Variants in LTA4H observed in about 807,000 individuals in gnomAD.
LTA4H encodes the protein leukotriene A4 hydrolase, also known as leukotriene A-4 hydrolase.
LTA4H carries 59 observed loss-of-function variants against 89.8 expected under a neutral mutation model. That is an observed-to-expected ratio of 0.66 (90% CI 0.53 to 0.82). The LOEUF (loss-of-function observed/expected upper bound fraction) is 0.82. Among genes scored for constraint, LTA4H ranks in the 40% least tolerant of loss-of-function variants. LTA4H has a pLI of 0.00. For missense variants in LTA4H, 617 were observed against 727.0 expected (o/e 0.85, Z 1.74); for synonymous variants, 227 against 253.1 (o/e 0.90, Z 0.98).
At chr12:96,002,876 G>T in intron 18 of LTA4H, 84 bp downstream of exon 18, 1 of 873,694 alleles carries the variant, frequency 1.1e-6, no homozygotes. Flanking sequence ...AAAAAATATT[G>T]TCATATAGAT....
At chr12:96,027,791 G>A (rs117464260) in intron 2 of LTA4H, 6,315 of 269,646 alleles carry the variant, frequency 0.023, 104 homozygotes, top group South Asian at 0.027. Context: ...AACTGCTAGC[G>A]AAGGCTTAAT....
At chr12:96,037,218 G>A (rs1334519317), upstream of LTA4H, among the ~76,000 whole-genome samples, 1 of 152,158 alleles carries the variant, frequency 6.6e-6, no homozygotes, top group African/African-American at 2.4e-5. Context: ...GAGTCACTTG[G>A]ATATTTAAGT....
intron 4 of LTA4H, among the ~76,000 whole-genome samples, chr12:96,024,008 C>T (rs1443574436): frequency 2.6e-5 from 4 of 152,024 alleles, no homozygotes; most frequent in African/African-American, 7.2e-5. Context: ...CAGCTCACTC[C>T]AAGCTCTGCC....
At chr12:96,025,147 G>A (rs17025079) in intron 3 of LTA4H, among the ~76,000 whole-genome samples, 8,176 of 152,080 alleles carry the variant, frequency 0.054, 496 homozygotes, top group African/African-American at 0.15. Context: ...AGAAACCTGA[G>A]AAAAAAGGGC....
chr12:96,031,798 T>A (rs1033431716), intron 1 of LTA4H, among the ~76,000 whole-genome samples: 2 of 152,242 alleles, frequency 1.3e-5, no homozygotes, highest in Non-Finnish European at 2.9e-5. Context: ...TTTAATTATT[T>A]TTAATCTTAT....
At chr12:96,036,131 C>A (rs1056262523), upstream of LTA4H, among the ~76,000 whole-genome samples, 2 of 152,156 alleles carry the variant, frequency 1.3e-5, no homozygotes, top group African/African-American at 2.4e-5. Flanking sequence ...GTAAGTAATT[C>A]AAGGTTTAAA....
chr12:96,001,803 A>G (rs934591219), intron 18 of LTA4H, among the ~76,000 whole-genome samples: 3 of 152,024 alleles, frequency 2.0e-5, no homozygotes, highest in Non-Finnish European at 4.4e-5. Context: ...ACATCATAAA[A>G]CAGAAATACT....
Position 96,009,081 on chromosome 12 carries a change from CATT to C in LTA4H, c.1434+10_1434+12del, listed in dbSNP as rs753468392. 9 of 1,581,828 alleles carry C rather than the reference CATT, an allele frequency of 5.7e-6. No homozygotes were observed. In the African/African-American group the frequency reaches 6.7e-5, roughly 12 times the overall value. ...ATTCAAAAAGGAATCAAAAATCACA[CATT>C]ATTACTTACAGTAATCCATCTTTGA... is the stretch of plus-strand genomic sequence containing the variant. On this transcript the variant is annotated intron_variant, in intron 15 of 18. Coordinates refer to ENST00000228740, the MANE Select transcript of LTA4H (RefSeq NM_000895.3).
rs967657631 is a variant in LTA4H at position 96,022,469 on chromosome 12, GTA to G, written c.481-220_481-219del. On this transcript the variant is annotated intron_variant, in intron 4 of 18. Coordinates refer to ENST00000228740, the MANE Select transcript of LTA4H (RefSeq NM_000895.3). This position sits in a 1 kb window ranked among gnomAD's most constrained non-coding sequence, Gnocchi z 4.0. The stretch of plus-strand genomic sequence containing the variant: ...TATATATATGCACACATATATATGT[GTA>G]TATATATAAAACACATATACAAAAA... 1.4e-4 allele frequency among the ~76,000 whole-genome samples: 21 copies of G among 151,670 alleles called. No homozygotes were observed. Among genetic ancestry groups the G allele is most frequent in the Admixed American group, 4.6e-4 (7 of 15,214 alleles).
At chr12:96,035,938 GTTCATTGGTGTTTGCA>G (rs1220610702), upstream of LTA4H, among the ~76,000 whole-genome samples, 1 of 152,122 alleles carries the variant, frequency 6.6e-6, no homozygotes, top group Non-Finnish European at 1.5e-5. Context: ...AGAAAATCAG[GTTCATTGGTGTTTGCA>G]TATAGCGAGG....
Position 96,043,179 on chromosome 12 carries a change from G to A in LTA4H, c.87+110C>T, listed in dbSNP as rs138674473. The stretch of plus-strand genomic sequence containing the variant: ...AAACTCCCTGACGCAACCTGCAGTA[G>A]TTGGCAAAGTGAGAACATGTCGGGT... On this transcript the variant is annotated intron_variant, in intron 1 of 17. Transcript: ENST00000413268. 7.0e-3 allele frequency: 5,276 copies of A among 757,720 alleles called. 40 individuals are homozygous for A. The highest frequency in any genetic ancestry group is 0.022 in the Middle Eastern group (95 of 4,284). 46.9% of individuals were successfully genotyped at this position (757,720 alleles called of 1,614,324 possible).
intron 1 of LTA4H, among the ~76,000 whole-genome samples, chr12:96,033,128 T>C (rs905396147): frequency 1.3e-5 from 2 of 152,246 alleles, no homozygotes; most frequent in African/African-American, 4.8e-5. Flanking sequence ...TTTAAGTTTT[T>C]ATTTTACAAA....
chr12:96,031,767 A>G (rs1950577153), intron 1 of LTA4H, among the ~76,000 whole-genome samples: 1 of 152,108 alleles, frequency 6.6e-6, no homozygotes, highest in Non-Finnish European at 1.5e-5. Context: ...TCCTATCCCT[A>G]TTCTCTCTTC....
chr12:96,013,381 A>G (rs951770801), intron 13 of LTA4H, 123 bp from the exon 14 acceptor site: 15 of 605,984 alleles, frequency 2.5e-5, no homozygotes, highest in Non-Finnish European at 3.8e-5. Context: ...TAATTTCTAA[A>G]TCTTTTTTAA....
chr12:96,032,690 T>C (rs1186362659), intron 1 of LTA4H, among the ~76,000 whole-genome samples: 1 of 152,232 alleles, frequency 6.6e-6, no homozygotes, highest in Non-Finnish European at 1.5e-5. Flanking sequence ...CTTCCTTGTA[T>C]AACATGTAAC....
In LTA4H at chr12:96,035,349, G is replaced by T; in HGVS notation, c.159+12C>A. 6.3e-7 allele frequency: 1 copy of T among 1,587,584 alleles called. No individual in the cohort carries two copies. ...CGGGAGAGGCGGGCACTGGGCAGGC[G>T]CCCCACTGTACCAGGCTGCGCAGAT... On this transcript the variant is annotated intron_variant, in intron 1 of 18. Transcript: ENST00000228740.
At chr12:96,035,617 AGAG>A (rs1409368702), upstream of LTA4H, 10 of 1,460,650 alleles carry the variant, frequency 6.8e-6, no homozygotes, top group Admixed American at 2.5e-5. Context: ...GAGGTAAAGA[AGAG>A]GAGGAGGGAT....
intron 18 of LTA4H, 148 bp from the exon 19 acceptor site, chr12:96,001,254 C>T (rs1414356009): frequency 8.1e-6 from 5 of 614,560 alleles, no homozygotes; most frequent in Non-Finnish European, 1.4e-5. Context: ...AGTCAATACC[C>T]AAGATTAAAT....
In LTA4H at chr12:96,029,013, C is replaced by T. The variant is rs116718113; in HGVS notation, c.290+42G>A. The T allele has an allele frequency of 6.1e-6, 9 of 1,468,540 alleles. No individual in the cohort carries two copies. The African/African-American group carries it at 1.3e-4, about 21-fold the overall frequency. 91.0% of individuals were successfully genotyped at this position (1,468,540 alleles called of 1,614,324 possible). ...TTAAATTAGTTAAGAATATGTTTCCCCATTATTTAGCTGTAAAAGAGAAAG... is the reference window on the plus strand; with the variant it reads ...TTAAATTAGTTAAGAATATGTTTCCTCATTATTTAGCTGTAAAAGAGAAAG... On this transcript the variant is annotated intron_variant, in intron 2 of 18. Coordinates refer to ENST00000228740, the MANE Select transcript of LTA4H (RefSeq NM_000895.3).
Sources: gnomAD v4.1 joint callset for allele counts (sites outside exome capture counted in the v4.1 genomes callset) on GRCh38, gnomAD v4.1.1 for gene constraint, Gnocchi (gnomAD v3.1) non-coding constraint, MANE v1.5 for transcripts, NCBI Gene and HGNC (gene_info 2026-07-23, HGNC 2026-07-21) for gene names.